Variants in PTK2 observed in about 807,000 individuals in gnomAD.
PTK2 encodes protein tyrosine kinase 2.
A neutral mutation model predicts 150.1 loss-of-function variants in PTK2; 45 were observed. The ratio of observed to expected loss-of-function variants is 0.30; its 90% confidence interval spans 0.24 to 0.38. The LOEUF (loss-of-function observed/expected upper bound fraction) is 0.38. Ranked by LOEUF, PTK2 falls within the 10% of genes least tolerant of loss-of-function variation. The pLI is 1.00. For synonymous variants in PTK2, 432 were observed against 449.2 expected (o/e 0.96, Z 0.48); for missense variants, 919 against 1,307.3 (o/e 0.70, Z 4.58).
intron 26 of PTK2, among the ~76,000 whole-genome samples, chr8:140,693,038 T>C (rs2100024142): frequency 6.6e-6 from 1 of 152,122 alleles, no homozygotes; most frequent in South Asian, 2.1e-4. Flanking sequence ...AGTATCACAT[T>C]AGAAAATTAT....
intron 10 of PTK2, among the ~76,000 whole-genome samples, chr8:140,807,631 G>A (rs1375393811): frequency 1.3e-5 from 2 of 152,170 alleles, no homozygotes; most frequent in Non-Finnish European, 2.9e-5. Context: ...TATGCTGGTA[G>A]GGTACAATGC....
intron 23 of PTK2, among the ~76,000 whole-genome samples, chr8:140,716,840 A>G (rs1284318662): frequency 6.6e-6 from 1 of 152,206 alleles, no homozygotes; most frequent in Non-Finnish European, 1.5e-5. Flanking sequence ...ACAGAACTGG[A>G]GTATTCATGG....
chr8:140,775,025 C>A (rs1430195722), intron 14 of PTK2, among the ~76,000 whole-genome samples: 2 of 152,208 alleles, frequency 1.3e-5, no homozygotes, highest in East Asian at 3.9e-4. Flanking sequence ...TGCTGCTCTG[C>A]CTATGGAGTA....
At chr8:140,819,815 C>T (rs924743064) in intron 8 of PTK2, among the ~76,000 whole-genome samples, 8 of 152,108 alleles carry the variant, frequency 5.3e-5, no homozygotes, top group African/African-American at 1.9e-4. Context: ...AGGTGGTCTT[C>T]CAGTCCTTTT....
At chr8:140,957,502 CTT>C (rs750469750) in intron 1 of PTK2, among the ~76,000 whole-genome samples, 8 of 152,216 alleles carry the variant, frequency 5.3e-5, no homozygotes, top group Non-Finnish European at 7.4e-5. Flanking sequence ...TTTTTATAAA[CTT>C]AGTGTACAGC....
At chr8:140,823,054 A>C (rs2154602243) in intron 8 of PTK2, among the ~76,000 whole-genome samples, 1 of 152,366 alleles carries the variant, frequency 6.6e-6, no homozygotes, top group South Asian at 2.1e-4. Context: ...AAATAAGTCC[A>C]GCAAAAGCCC....
chr8:140,898,678 G>A (rs1417617439), intron 2 of PTK2, among the ~76,000 whole-genome samples: 6 of 151,992 alleles, frequency 3.9e-5, no homozygotes, highest in Non-Finnish European at 7.4e-5. Context: ...AAAATGCAAC[G>A]AACATAATAA....
intron 1 of PTK2, among the ~76,000 whole-genome samples, chr8:140,999,250 A>C (rs922178873): frequency 6.6e-6 from 1 of 152,228 alleles, no homozygotes; most frequent in Non-Finnish European, 1.5e-5. Context: ...ATCAGCGTCT[A>C]CACTGAAGTC....
intron 22 of PTK2, among the ~76,000 whole-genome samples, chr8:140,730,957 C>CA (rs1224880972): frequency 2.1e-5 from 3 of 139,672 alleles, no homozygotes; most frequent in Admixed American, 7.1e-5. Flanking sequence ...AATTAAACCC[C>CA]CCCCCCCCTT....
intron 23 of PTK2, 87 bp from the exon 27 acceptor site, chr8:140,706,292 T>C (rs909004833): frequency 1.1e-5 from 10 of 942,334 alleles, no homozygotes; most frequent in African/African-American, 5.0e-5. Flanking sequence ...ATTTTCCTAA[T>C]AGAGCTTACT....
chr8:140,688,735 A>C (rs2100021409), intron 26 of PTK2, among the ~76,000 whole-genome samples: 1 of 152,192 alleles, frequency 6.6e-6, no homozygotes, highest in African/African-American at 2.4e-5. Context: ...AACTCTCTCA[A>C]TGAGTAAACC....
At chr8:140,878,429 A>G (rs935306215) in intron 4 of PTK2, among the ~76,000 whole-genome samples, 2 of 152,052 alleles carry the variant, frequency 1.3e-5, no homozygotes, top group Admixed American at 1.3e-4. Flanking sequence ...CTGAAACCCC[A>G]GCTCTGTAAA....
intron 17 of PTK2, among the ~76,000 whole-genome samples, chr8:140,751,342 T>TAATTTTTAAATTTTTTC (rs1331705155): frequency 6.6e-6 from 1 of 152,068 alleles, no homozygotes; most frequent in Non-Finnish European, 1.5e-5. Flanking sequence ...CTAATTTTTT[T>TAATTTTTAAATTTTTTC]AATTTTTAAA....
At chr8:140,961,609 C>A (rs909669915) in intron 1 of PTK2, among the ~76,000 whole-genome samples, 1 of 151,626 alleles carries the variant, frequency 6.6e-6, no homozygotes, top group Non-Finnish European at 1.5e-5. Context: ...TTGCAGTGAG[C>A]CAAGGTCGCG....
chr8:140,765,928 C>A (rs562953818), intron 14 of PTK2, among the ~76,000 whole-genome samples: 1 of 152,178 alleles, frequency 6.6e-6, no homozygotes, highest in Admixed American at 6.5e-5. Flanking sequence ...TAGTTTAACA[C>A]GCTCAACTTT....
intron 5 of PTK2, among the ~76,000 whole-genome samples, chr8:140,858,399 T>C (rs868801143): frequency 8.3e-5 from 12 of 145,158 alleles, no homozygotes; most frequent in Admixed American, 2.8e-4. Flanking sequence ...GAGGTACATG[T>C]AGCATGACAC....
At chr8:140,703,904 G>C (rs1241707865) in intron 24 of PTK2, among the ~76,000 whole-genome samples, 1 of 152,172 alleles carries the variant, frequency 6.6e-6, no homozygotes, top group Non-Finnish European at 1.5e-5. Flanking sequence ...ATAAAGCACA[G>C]CCAAAACCGT....
At chr8:140,993,773 A>G (rs912099629) in intron 1 of PTK2, among the ~76,000 whole-genome samples, 3 of 152,190 alleles carry the variant, frequency 2.0e-5, no homozygotes, top group African/African-American at 7.2e-5. Flanking sequence ...TATGTCGCCC[A>G]GGCTGGAGTG....
In PTK2 at chr8:140,983,364, G is replaced by A. The variant is rs532215862; in HGVS notation, c.-122+17761C>T. 8.3e-4 allele frequency among the ~76,000 whole-genome samples: 102 copies of A among 123,210 alleles called. 1 individual carries two copies. Among genetic ancestry groups the A allele is most frequent in the African/African-American group, 2.8e-3 (91 of 32,348 alleles). The allele number at this position is 123,210 out of a possible 152,430, so 80.8% of individuals were successfully genotyped here. ...ATCATGCACTTCAGCCTGGGCAACAGAGTAAGACTCCATCTCAAAAAAAAA... is the reference window on the plus strand; with the variant it reads ...ATCATGCACTTCAGCCTGGGCAACAAAGTAAGACTCCATCTCAAAAAAAAA... On this transcript the variant is annotated intron_variant, in intron 1 of 31. Coordinates refer to ENST00000522684, the Ensembl canonical transcript of PTK2.
Sources: gnomAD v4.1 joint callset for allele counts (sites outside exome capture counted in the v4.1 genomes callset) on GRCh38, gnomAD v4.1.1 for gene constraint, MANE v1.5 for transcripts, NCBI Gene and HGNC (gene_info 2026-07-23, HGNC 2026-07-21) for gene names.